Variants in F5 observed in about 807,000 individuals in gnomAD.
F5 encodes activated protein c cofactor.
In F5, 138 loss-of-function variants were observed where a neutral mutation model predicts 216.4. That is an observed-to-expected ratio of 0.64 (90% CI 0.56 to 0.73). The LOEUF (loss-of-function observed/expected upper bound fraction) is 0.73, where lower values mean the gene tolerates loss of function less well. Among genes scored for constraint, F5 ranks in the 30% least tolerant of loss-of-function variants. F5 has a pLI of 0.00. For synonymous variants in F5, 916 were observed against 930.7 expected (o/e 0.98, Z 0.29); for missense variants, 2,403 against 2,674.0 (o/e 0.90, Z 2.24).
rs201753673 is a variant in F5 at position 169,524,912 on chromosome 1, T to C, written c.5717-4A>G. The stretch of plus-strand genomic sequence containing the variant: ...AGTCCCATTGGCATCCTACAGTCTA[T>C]GAAAAACAGAAAAAAAATGAATAAT... On this transcript the variant is annotated splice_polypyrimidine_tract_variant and splice_region_variant and intron_variant, in intron 18 of 24. Coordinates refer to ENST00000367797, the MANE Select transcript of F5 (RefSeq NM_000130.5). The C allele has an allele frequency of 1.7e-4, 278 of 1,610,724 alleles. 4 individuals are homozygous for C. In the South Asian group the frequency reaches 2.5e-3, roughly 15 times the overall value.
chr1:169,559,131 T>C, intron 5 of F5, 22 bp downstream of exon 5: 1 of 1,613,502 alleles, frequency 6.2e-7, no homozygotes, highest in East Asian at 2.2e-5. Flanking sequence ...TGTTGTTTAA[T>C]GGTACACAGC....
At position 169,536,665 on chromosome 1, in the gene F5, T is replaced by C; in HGVS notation, c.4812A>G (p.Glu1604=). 1.2e-6 allele frequency: 2 copies of C among 1,611,134 alleles called. No individual in the cohort carries two copies. The highest frequency in any genetic ancestry group is 1.7e-6 in the Non-Finnish European group (2 of 1,177,420). ...TATCTTCTGGAATATCATCAGAGTC[T>C]TCAATATCTGTTTCCCTGAAATAAT... ...SEFVQRETDI[E]DSDDIPEDTT... is the part of the protein sequence containing the mutation. The change falls in exon 14 of 25, where the codon GAA becomes GAG. Residue 1604 remains glutamate (E), a synonymous_variant. Coordinates refer to ENST00000367797, the MANE Select transcript of F5 (RefSeq NM_000130.5).
At position 169,540,722 on chromosome 1, in the gene F5, A is replaced by G. The variant is rs770410333; in HGVS notation, c.4368T>C (p.Pro1456=). 6.2e-7 allele frequency: 1 copy of G among 1,614,054 alleles called. No homozygotes were observed. The highest frequency in any genetic ancestry group is 8.5e-7 in the Non-Finnish European group (1 of 1,179,972). ...AGAATATCTGATCAAGGTCTGGAGG[A>G]GGTGATATCTGGCTGAGATCCGGGA... ...TLLPDLSQIS[P]PPDLDQIFYP... The change falls in exon 13 of 25, where the codon CCT becomes CCC. Residue 1456 remains proline, a synonymous_variant. Coordinates refer to ENST00000367797, the MANE Select transcript of F5 (RefSeq NM_000130.5).
chr1:169,568,105 A>G (rs9287094), intron 3 of F5, among the ~76,000 whole-genome samples: 4,876 of 152,204 alleles, frequency 0.032, 256 homozygotes, highest in African/African-American at 0.11. Flanking sequence ...AGATAATGAA[A>G]GGTTACTCTA....
At position 169,577,597 on chromosome 1, in the gene F5, ATATATATG is replaced by A. The variant is rs1375753060; in HGVS notation, c.250+4826_250+4833del. Among the ~76,000 whole-genome samples the A allele has an allele frequency of 6.7e-4, 70 of 104,354 alleles. 1 individual carries two copies. Among genetic ancestry groups the A allele is most frequent in the Non-Finnish European group, 9.4e-4 (52 of 55,396 alleles). 68.5% of individuals were successfully genotyped at this position (104,354 alleles called of 152,430 possible). On this transcript the variant is annotated intron_variant, in intron 2 of 24. Transcript: ENST00000367797. ...TATATATATATATATATATATATAT[ATATATATG>A]TATGTATTTTTTTAAATAGAAACAG...
intron 10 of F5, among the ~76,000 whole-genome samples, chr1:169,547,799 A>G (rs997100936): frequency 2.1e-4 from 32 of 152,220 alleles, no homozygotes; most frequent in African/African-American, 7.2e-4. Flanking sequence ...TCAAAGACCT[A>G]AAGTCAGAAA....
At chr1:169,520,165 TTGAG>T (rs1218539820) in intron 22 of F5, among the ~76,000 whole-genome samples, 1 of 152,184 alleles carries the variant, frequency 6.6e-6, no homozygotes, top group African/African-American at 2.4e-5. Context: ...ACATTGAAGT[TTGAG>T]TGACCTGAGG....
chr1:169,556,425 T>TTAAAA lies in F5; in HGVS notation c.952+220_952+221insTTTTA, dbSNP rs549256084. ...GAGATCTCTTTAGCTTTTGCTTAAT[T>TTAAAA]AAAAAAAAAAAAAAAACCTTTGCCA... On this transcript the variant is annotated intron_variant, in intron 6 of 24. Transcript: ENST00000367797. Among the ~76,000 whole-genome samples, 5 of 58,912 alleles carry TTAAAA rather than the reference T, an allele frequency of 8.5e-5. 1 individual carries two copies. Among genetic ancestry groups the TTAAAA allele is most frequent in the African/African-American group, 3.6e-4 (4 of 11,212 alleles). 38.6% of individuals were successfully genotyped at this position (58,912 alleles called of 152,430 possible).
chr1:169,569,855 T>C (rs953158348), intron 3 of F5, among the ~76,000 whole-genome samples: 7 of 152,194 alleles, frequency 4.6e-5, no homozygotes, highest in Non-Finnish European at 1.0e-4. Context: ...TGGATTCTCA[T>C]GTAACTGGCT....
rs758832130 is a variant in F5 at position 169,556,662 on chromosome 1, G to A, written c.936C>T (p.Thr312=). 5.0e-6 allele frequency: 8 copies of A among 1,613,886 alleles called. No individual in the cohort carries two copies. Among genetic ancestry groups the A allele is most frequent in the Non-Finnish European group, 5.9e-6 (7 of 1,179,966 alleles). ...GTTTCTTGCCTTGCAAATGTTTTGG[G>A]GTGAGAGAAGATATGATCCACTTTC... is the stretch of plus-strand genomic sequence containing the variant. The part of the protein sequence containing the change: ...PEGKWIISSL[T]PKHLQAGMQA... Residue 312 remains threonine (T), a synonymous_variant, in exon 6 of 25, where the codon ACC becomes ACT. Coordinates refer to ENST00000367797, the MANE Select transcript of F5 (RefSeq NM_000130.5).
At chr1:169,533,516 C>T (rs1413814807) in intron 14 of F5, among the ~76,000 whole-genome samples, 2 of 152,020 alleles carry the variant, frequency 1.3e-5, no homozygotes, top group Non-Finnish European at 2.9e-5. Context: ...GTCTAATATC[C>T]AGAAACTATA....
At chr1:169,537,182 A>G (rs960426333) in intron 13 of F5, among the ~76,000 whole-genome samples, 4 of 152,188 alleles carry the variant, frequency 2.6e-5, no homozygotes, top group African/African-American at 9.6e-5. Flanking sequence ...TCAAACATAT[A>G]AATGAATGTA....
rs556704253 is a variant in F5, at chr1:169,523,130, G to A, written c.6048+67C>T. On this transcript the variant is annotated intron_variant, in intron 21 of 24. Coordinates refer to ENST00000367797, the MANE Select transcript of F5 (RefSeq NM_000130.5). ...ATTTTTTAAAATACATAATCATTAG[G>A]TATAGTCATAATAATTCTAGGCCAA... 1.2e-5 allele frequency: 18 copies of A among 1,533,732 alleles called. No individual in the cohort carries two copies. The Admixed American group carries it at 2.2e-4, about 18-fold the overall frequency.
At position 169,541,754 on chromosome 1, in the gene F5, G is replaced by A; in HGVS notation, c.3336C>T (p.Ser1112=). 1 of 1,614,016 alleles carries A rather than the reference G, an allele frequency of 6.2e-7. No homozygotes were observed. The highest frequency in any genetic ancestry group is 8.5e-7 in the Non-Finnish European group (1 of 1,179,976). Residue 1112 remains serine (S), a synonymous_variant, in exon 13 of 25, where the codon AGC becomes AGT. Transcript: ENST00000367797. Reference sequence around the variant, plus strand: ...CTGTCTGATAAAGACCTGGAGGACAGCTTGCCTGACCAGTGTCATTTGAGG... The same window carrying A: ...CTGTCTGATAAAGACCTGGAGGACAACTTGCCTGACCAGTGTCATTTGAGG... ...QNSSNDTGQA[S]CPPGLYQTVP... is the part of the protein sequence containing the mutation.
chr1:169,566,301 A>C (rs902636144), intron 3 of F5, among the ~76,000 whole-genome samples: 9 of 152,064 alleles, frequency 5.9e-5, no homozygotes, highest in Non-Finnish European at 2.9e-5. Context: ...GTAGAAAATG[A>C]TATTCTTTCC....
intron 7 of F5, among the ~76,000 whole-genome samples, chr1:169,554,013 T>A (rs1660248923): frequency 3.7e-5 from 5 of 134,392 alleles, no homozygotes; most frequent in Non-Finnish European, 8.5e-5. Flanking sequence ...ACTCCTGGAT[T>A]CCTATCTCAG....
intron 20 of F5, 103 bp downstream of exon 20, chr1:169,523,698 T>C (rs1659363551): frequency 9.3e-7 from 1 of 1,077,610 alleles, no homozygotes; most frequent in Non-Finnish European, 1.4e-6. Flanking sequence ...GTACTTGCTA[T>C]TTCCCCTAAC....
chr1:169,553,916 A>G (rs188486082), intron 7 of F5, among the ~76,000 whole-genome samples: 1 of 152,356 alleles, frequency 6.6e-6, no homozygotes, highest in African/African-American at 2.4e-5. Context: ...AAAGTCAGAA[A>G]TATCATTTAA....
intron 3 of F5, among the ~76,000 whole-genome samples, chr1:169,561,506 T>C (rs1660486454): frequency 6.6e-6 from 1 of 152,092 alleles, no homozygotes; most frequent in Non-Finnish European, 1.5e-5. Flanking sequence ...ACTGAGATAC[T>C]CAATATTAAA....
Sources: allele counts gnomAD v4.1 joint callset (sites outside exome capture counted in the v4.1 genomes callset), GRCh38; gene constraint gnomAD v4.1.1; transcripts MANE v1.5; gene names NCBI Gene and HGNC (gene_info 2026-07-23, HGNC 2026-07-21).